MAP4K4: variants seen among roughly 807,000 people sequenced by gnomAD.
MAP4K4 encodes the protein mitogen-activated protein kinase kinase kinase kinase 4, also known as HPK/GCK-like kinase HGK.
MAP4K4 carries 38 observed loss-of-function variants against 189.6 expected under a neutral mutation model. The ratio of observed to expected loss-of-function variants is 0.20; its 90% CI spans 0.15 to 0.26. The LOEUF (loss-of-function observed/expected upper bound fraction) is 0.26, where lower values mean the gene tolerates loss of function less well. MAP4K4 is among the 10% of genes least tolerant of loss of function. The probability of loss-of-function intolerance (pLI) is 1.00; values close to 1 mark genes in which losing one functional copy is unlikely to be tolerated. For synonymous variants in MAP4K4, 610 were observed against 624.3 expected (o/e 0.98, Z 0.34); for missense variants, 1,054 against 1,726.9 (o/e 0.61, Z 6.91).
chr2:101,787,804 C>CTT (rs750909990), intron 2 of MAP4K4, among the ~76,000 whole-genome samples: 20,872 of 128,700 alleles, frequency 0.16, 2,094 homozygotes, highest in East Asian at 0.26. Flanking sequence ...TAGAAGTTTG[C>CTT]TTTTTTTTTT....
In MAP4K4 at chr2:101,786,113, T is replaced by C. The variant is rs189819841; in HGVS notation, c.124-4607T>C. Among the ~76,000 whole-genome samples the C allele has an allele frequency of 2.7e-3, 411 of 152,170 alleles. 2 individuals are homozygous for C. The highest frequency in any genetic ancestry group is 9.7e-3 in the African/African-American group (402 of 41,536). On this transcript the variant is annotated intron_variant, in intron 2 of 32. Transcript: ENST00000324219. ...GTGCTGAGATTACAGGTGTGAGCCA[T>C]TGCACCCGGCCGGCATCTTTTTCTT...
intron 13 of MAP4K4, among the ~76,000 whole-genome samples, chr2:101,858,720 A>G (rs931107568): frequency 2.6e-5 from 4 of 152,188 alleles, no homozygotes; most frequent in African/African-American, 4.8e-5. Context: ...AAAATTCTGT[A>G]TTTGTTTACA....
chr2:101,784,548 A>G (rs1186555915), intron 2 of MAP4K4, among the ~76,000 whole-genome samples: 1 of 152,188 alleles, frequency 6.6e-6, no homozygotes, highest in African/African-American at 2.4e-5. Context: ...ATGATGAGAT[A>G]AAGATGGGAA....
Position 101,790,792 on chromosome 2 carries a change from A to G in MAP4K4, c.180+16A>G, listed in dbSNP as rs769667853. 13 of 1,593,018 alleles carry G rather than the reference A, an allele frequency of 8.2e-6. No homozygotes were observed. In the Admixed American group the frequency reaches 2.2e-4, roughly 27 times the overall value. On this transcript the variant is annotated intron_variant, in intron 3 of 32. Transcript: ENST00000324219. ...TGTCACTGAGGTAAGATTGAGTCAC[A>G]CACATTTTTAAATAATGTTAGATGG... is the stretch of plus-strand genomic sequence containing the variant.
At chr2:101,770,544 T>C (rs912537269) in intron 2 of MAP4K4, among the ~76,000 whole-genome samples, 1 of 152,218 alleles carries the variant, frequency 6.6e-6, no homozygotes, top group African/African-American at 2.4e-5. Flanking sequence ...CCCAAAGTGT[T>C]GGGATTACAG....
intron 2 of MAP4K4, among the ~76,000 whole-genome samples, chr2:101,781,862 T>C (rs920609799): frequency 6.6e-6 from 1 of 152,184 alleles, no homozygotes; most frequent in African/African-American, 2.4e-5. Flanking sequence ...CAGTGATAGC[T>C]CCTCGAACTG....
intron 27 of MAP4K4, among the ~76,000 whole-genome samples, chr2:101,881,402 G>A (rs1390534918): frequency 6.6e-6 from 1 of 152,112 alleles, no homozygotes; most frequent in African/African-American, 2.4e-5. Context: ...TGGTTGGTTG[G>A]TTGGTTTTGG....
chr2:101,700,298 C>T (rs879921688), intron 2 of MAP4K4, among the ~76,000 whole-genome samples: 2 of 152,182 alleles, frequency 1.3e-5, no homozygotes, highest in Admixed American at 6.5e-5. Flanking sequence ...CCCTCATTGC[C>T]ATTTTGGTTC....
chr2:101,782,274 A>T (rs961220765), intron 2 of MAP4K4, among the ~76,000 whole-genome samples: 5 of 152,136 alleles, frequency 3.3e-5, no homozygotes, highest in African/African-American at 1.2e-4. Context: ...GTCTTACCAT[A>T]TTGTCTATTT....
intron 18 of MAP4K4, among the ~76,000 whole-genome samples, 199 bp downstream of exon 18, chr2:101,865,235 G>A (rs1044037594): frequency 1.3e-5 from 2 of 152,198 alleles, no homozygotes; most frequent in Non-Finnish European, 2.9e-5. Context: ...GTTTGAATCC[G>A]GATGTGTATT....
intron 2 of MAP4K4, among the ~76,000 whole-genome samples, chr2:101,777,169 T>C (rs889971674): frequency 1.3e-5 from 2 of 152,134 alleles, no homozygotes; most frequent in African/African-American, 2.4e-5. Context: ...GGAGAAATCT[T>C]GTAGCATTTT....
At chr2:101,867,347 C>T (rs1379742302) in intron 20 of MAP4K4, 38 bp downstream of exon 20, 2 of 1,443,544 alleles carry the variant, frequency 1.4e-6, no homozygotes, top group South Asian at 1.2e-5. Context: ...TTATTTCAGA[C>T]TTGAATGAGA....
intron 2 of MAP4K4, among the ~76,000 whole-genome samples, chr2:101,774,199 C>A (rs1046737842): frequency 7.9e-5 from 12 of 152,186 alleles, no homozygotes; most frequent in African/African-American, 2.7e-4. Context: ...GTTCCCTTTT[C>A]TCCTCATCCT....
At chr2:101,828,854 C>CCT in intron 5 of MAP4K4, among the ~76,000 whole-genome samples, 1 of 152,330 alleles carries the variant, frequency 6.6e-6, no homozygotes, top group East Asian at 1.9e-4. Context: ...TCTTCCACCA[C>CCT]CTCTCGTAAG....
intron 2 of MAP4K4, among the ~76,000 whole-genome samples, chr2:101,748,420 A>G (rs2066758138): frequency 6.6e-6 from 1 of 152,240 alleles, no homozygotes; most frequent in Admixed American, 6.5e-5. Flanking sequence ...TTTCTGTCAG[A>G]TGACAAATTT....
At chr2:101,882,707 T>C (rs751427043) in intron 28 of MAP4K4, 22 bp downstream of exon 28, 14 of 1,507,358 alleles carry the variant, frequency 9.3e-6, no homozygotes, top group Non-Finnish European at 1.2e-5. Flanking sequence ...AAGCGTCATA[T>C]TTTGTTTTTC....
intron 9 of MAP4K4, among the ~76,000 whole-genome samples, chr2:101,838,123 T>C (rs1415422033): frequency 6.6e-6 from 1 of 152,232 alleles, no homozygotes; most frequent in Non-Finnish European, 1.5e-5. Context: ...GATTCTTGAC[T>C]TTAGGAAATA....
chr2:101,814,968 A>G (rs1302309368), intron 3 of MAP4K4, among the ~76,000 whole-genome samples: 1 of 152,186 alleles, frequency 6.6e-6, no homozygotes, highest in African/African-American at 2.4e-5. Flanking sequence ...GAGCTGTGTA[A>G]ATACTAGCCA....
chr2:101,877,184 A>G, intron 27 of MAP4K4, 38 bp downstream of exon 27: 1 of 1,607,396 alleles, frequency 6.2e-7, no homozygotes, highest in East Asian at 2.2e-5. Context: ...ATGTGACACC[A>G]TCTTAACAAT....
Sources: gnomAD v4.1 joint callset for allele counts (sites outside exome capture counted in the v4.1 genomes callset) on GRCh38, gnomAD v4.1.1 for gene constraint, MANE v1.5 for transcripts, NCBI Gene and HGNC (gene_info 2026-07-23, HGNC 2026-07-21) for gene names.